The following CPT1A variants were observed in gnomAD, a reference collection of about 807,000 sequenced individuals.
The protein encoded by CPT1A is carnitine O-palmitoyltransferase 1, liver isoform.
A neutral mutation model predicts 100.8 loss-of-function variants in CPT1A; 64 were observed. The observed-to-expected ratio is 0.63, with a 90% CI of 0.52 to 0.78. CPT1A has a LOEUF of 0.78. Among genes scored for constraint, CPT1A ranks in the 30% least tolerant of loss-of-function variants. The pLI is 0.00. For synonymous variants in CPT1A, 363 were observed against 396.0 expected (o/e 0.92, Z 0.99); for missense variants, 802 against 1,034.1 (o/e 0.78, Z 3.08).
At chr11:68,832,020 A>C (rs2154002687) in intron 1 of CPT1A, among the ~76,000 whole-genome samples, 1 of 152,322 alleles carries the variant, frequency 6.6e-6, no homozygotes, top group African/African-American at 2.4e-5. Context: ...GACTAGCATT[A>C]GATCATTTAA....
intron 6 of CPT1A, 110 bp from the exon 7 acceptor site, chr11:68,797,043 T>C: frequency 9.9e-7 from 1 of 1,012,354 alleles, no homozygotes; most frequent in Non-Finnish European, 1.5e-6. Context: ...TTGGCAGACA[T>C]TTCGGCGTCT....
chr11:68,814,082 A>AG (rs1276200235), intron 2 of CPT1A, among the ~76,000 whole-genome samples: 5 of 151,862 alleles, frequency 3.3e-5, no homozygotes, highest in Admixed American at 1.3e-4. Context: ...TGGGGCTGGC[A>AG]GGGGGGTCAG....
chr11:68,766,351 T>G (rs1452925795), intron 14 of CPT1A, among the ~76,000 whole-genome samples: 2 of 152,102 alleles, frequency 1.3e-5, no homozygotes, highest in Non-Finnish European at 2.9e-5. Flanking sequence ...ACAGCAAGGT[T>G]CTGGATTTAT....
intron 3 of CPT1A, among the ~76,000 whole-genome samples, chr11:68,809,273 T>C (rs1856131282): frequency 6.6e-6 from 1 of 152,060 alleles, no homozygotes; most frequent in Non-Finnish European, 1.5e-5. Flanking sequence ...ACATTTTAGA[T>C]TACTGAAAGA....
chr11:68,778,171 CCAG>C (rs1455818487), intron 12 of CPT1A, among the ~76,000 whole-genome samples: 3 of 151,750 alleles, frequency 2.0e-5, no homozygotes, highest in Non-Finnish European at 4.4e-5. Flanking sequence ...AAGACTCCAA[CCAG>C]AAGTAAGACA....
rs189752463 is a variant in CPT1A, at chr11:68,768,687, C to T, written c.1740+4578G>A. 1.4e-4 allele frequency among the ~76,000 whole-genome samples: 22 copies of T among 152,148 alleles called. No homozygotes were observed. The East Asian group carries it at 3.5e-3, about 24-fold the overall frequency. ...TCCCAAAGTGCTGGGTTTACAGGCA[C>T]GAGCCACTGCGCCTGGCCAGATTTC... is the stretch of plus-strand genomic sequence containing the variant. On this transcript the variant is annotated intron_variant, in intron 14 of 18. Transcript: ENST00000265641.
At chr11:68,839,581 G>A in intron 1 of CPT1A, 1 of 985,490 alleles carries the variant, frequency 1.0e-6, no homozygotes, top group Non-Finnish European at 1.2e-6. Context: ...GCCCTGCGGT[G>A]CCCAGCTGTG....
chr11:68,830,974 C>T (rs999742545), intron 1 of CPT1A, among the ~76,000 whole-genome samples: 6 of 152,196 alleles, frequency 3.9e-5, no homozygotes, highest in African/African-American at 1.2e-4. Flanking sequence ...AGTTCTCCAA[C>T]GCTGAATGCT....
At position 68,780,626 on chromosome 11, in the gene CPT1A, G is replaced by T; in HGVS notation, c.1458+14C>A. 6.2e-7 allele frequency: 1 copy of T among 1,609,928 alleles called. No individual in the cohort carries two copies. The highest frequency in any genetic ancestry group is 2.2e-5 in the East Asian group (1 of 44,866). ...AGCAACTTCCACATTCAAGTGAAAA[G>T]TGTGAAAACTCACCTCCCAAAGGTG... is the stretch of plus-strand genomic sequence containing the variant. On this transcript the variant is annotated intron_variant, in intron 12 of 18. Coordinates refer to ENST00000265641, the MANE Select transcript of CPT1A (RefSeq NM_001876.4).
At position 68,755,740 on chromosome 11, in the gene CPT1A, A is replaced by AT. The variant is rs1212035291; in HGVS notation, c.*1903dup. 7 of 84,390 alleles carry AT rather than the reference A, an allele frequency of 8.3e-5. No homozygotes were observed. The highest frequency in any genetic ancestry group is 2.9e-4 in the Admixed American group (2 of 7,004). The allele number at this position is 84,390 out of a possible 1,614,324, so 5.2% of individuals were successfully genotyped here. A position where few individuals can be genotyped will look rare whatever the true frequency, so the allele number is the denominator to read the frequency against. Reference sequence around the variant, plus strand: ...TTTTTTTTTTTTGTCTTTTGTTTTCATTTTTTCTTGCTTTCAGGAGAAAAA... The same window carrying AT: ...TTTTTTTTTTTTGTCTTTTGTTTTCATTTTTTTCTTGCTTTCAGGAGAAAAA... On this transcript the variant is annotated 3_prime_UTR_variant, in exon 19 of 19. Coordinates refer to ENST00000265641, the MANE Select transcript of CPT1A (RefSeq NM_001876.4).
intron 3 of CPT1A, among the ~76,000 whole-genome samples, chr11:68,808,423 G>A (rs1026834844): frequency 5.3e-5 from 8 of 151,194 alleles, no homozygotes; most frequent in African/African-American, 1.9e-4. Context: ...CCAGGCTGGA[G>A]TGCAATGGTG....
intron 7 of CPT1A, among the ~76,000 whole-genome samples, chr11:68,795,403 C>T (rs570081917): frequency 2.0e-5 from 3 of 152,252 alleles, no homozygotes; most frequent in South Asian, 2.1e-4. Flanking sequence ...ACACCATGTC[C>T]CCATTGATGT....
chr11:68,807,715 G>A, intron 3 of CPT1A, 77 bp from the exon 4 acceptor site: 1 of 1,433,550 alleles, frequency 7.0e-7, no homozygotes, highest in Non-Finnish European at 9.7e-7. Flanking sequence ...TGACGCCACA[G>A]ACACCACGTG....
intron 9 of CPT1A, among the ~76,000 whole-genome samples, chr11:68,785,285 C>T (rs1349335016): frequency 3.9e-5 from 6 of 152,088 alleles, no homozygotes; most frequent in Non-Finnish European, 5.9e-5. Flanking sequence ...CAGTGGGAGG[C>T]TGGGAGTGGT....
intron 18 of CPT1A, 101 bp from the exon 19 acceptor site, chr11:68,757,831 C>G (rs1024406229): frequency 1.7e-5 from 17 of 999,448 alleles, no homozygotes; most frequent in Middle Eastern, 2.2e-4. Context: ...CATTGAAATT[C>G]CTTTCTGCCA....
chr11:68,795,453 C>T (rs1855731128), intron 7 of CPT1A, among the ~76,000 whole-genome samples: 1 of 152,130 alleles, frequency 6.6e-6, no homozygotes, highest in African/African-American at 2.4e-5. Flanking sequence ...CAAAGGTCTC[C>T]TGGCGGGAAG....
upstream of CPT1A, among the ~76,000 whole-genome samples, chr11:68,842,392 G>A (rs1487260401): frequency 6.6e-6 from 1 of 152,002 alleles, no homozygotes; most frequent in Admixed American, 6.6e-5. Context: ...GTCGCTTGAA[G>A]CCAGGAGTTC....
At chr11:68,785,755 C>CT (rs1855445825) in intron 9 of CPT1A, 1 of 497,922 alleles carries the variant, frequency 2.0e-6, no homozygotes, top group Middle Eastern at 5.4e-4. Context: ...CGTATAGTAA[C>CT]TTTTTATTAA....
At chr11:68,838,584 A>AAAAAAAAAAAAAAAAAAC in intron 1 of CPT1A, among the ~76,000 whole-genome samples, 2 of 147,016 alleles carry the variant, frequency 1.4e-5, no homozygotes, top group Non-Finnish European at 3.0e-5. Flanking sequence ...AAAAAAAAAA[A>AAAAAAAAAAAAAAAAAAC]AAAAAAACAG....
Sources: allele counts gnomAD v4.1 joint callset (sites outside exome capture counted in the v4.1 genomes callset), GRCh38; gene constraint gnomAD v4.1.1; transcripts MANE v1.5; gene names NCBI Gene and HGNC (gene_info 2026-07-23, HGNC 2026-07-21).